The following SAMD5 variants were observed in gnomAD, a reference collection of about 807,000 sequenced individuals.
The protein encoded by SAMD5 is sterile alpha motif domain-containing protein 5.
Under a neutral mutation model 11.3 loss-of-function variants are expected in SAMD5, and 13 were observed. The observed-to-expected ratio is 1.15, with a 90% CI of 0.75 to 1.83. The LOEUF (loss-of-function observed/expected upper bound fraction) is 1.83, where lower values mean the gene tolerates loss of function less well. Among genes scored for constraint, SAMD5 ranks in the 40% most tolerant of loss-of-function variants. The pLI is 0.00. For synonymous variants in SAMD5, 129 were observed against 111.3 expected (o/e 1.16, Z -1.00); for missense variants, 255 against 239.1 (o/e 1.07, Z -0.44).
In SAMD5 at chr6:147,521,469, A is replaced by G. The variant is rs116236396; in HGVS notation, c.459+12082A>G. On this transcript the variant is annotated intron_variant, in intron 1 of 1. Coordinates refer to ENST00000367474, the MANE Select transcript of SAMD5 (RefSeq NM_001030060.3). ...AAATTCTTATATTTTCTGCCTTTTC[A>G]GTAATTTTTTAGCTATTTCTTTCAA... Among the ~76,000 whole-genome samples, 1,067 of 152,188 alleles carry G rather than the reference A, an allele frequency of 7.0e-3. 14 individuals carry two copies. The highest frequency in any genetic ancestry group is 0.025 in the African/African-American group (1,028 of 41,564).
intron 1 of SAMD5, chr6:147,676,217 A>G (rs966499336): frequency 1.3e-5 from 2 of 152,082 alleles, no homozygotes; most frequent in African/African-American, 4.8e-5. Context: ...GCTGGGGACC[A>G]TTTTGGAAAC....
intron 1 of SAMD5, among the ~76,000 whole-genome samples, chr6:147,519,777 G>A (rs1194513902): frequency 6.6e-6 from 1 of 152,188 alleles, no homozygotes; most frequent in Non-Finnish European, 1.5e-5. Context: ...GGACACGTAA[G>A]ATGCTAATTT....
chr6:147,656,560 G>A (rs10457814), intron 1 of SAMD5, among the ~76,000 whole-genome samples: 62,631 of 151,906 alleles, frequency 0.41, 14,897 homozygotes, highest in Middle Eastern at 0.54. Flanking sequence ...CTTTATGAAC[G>A]AATGAGCAAA....
At chr6:147,791,784 C>T in the SAMD5 span, among the ~76,000 whole-genome samples, 1 of 152,128 alleles carries the variant, frequency 6.6e-6, no homozygotes, top group East Asian at 1.9e-4. Context: ...TGTCTTTCCA[C>T]ATTATGATCG....
chr6:147,705,676 T>G (rs10081108), intron 1 of SAMD5, among the ~76,000 whole-genome samples: 12,238 of 152,220 alleles, frequency 0.08, 531 homozygotes, highest in Middle Eastern at 0.13. Context: ...AACAGCAAAA[T>G]TCACCATAAC....
chr6:147,623,337 C>G (rs766627350), intron 1 of SAMD5, among the ~76,000 whole-genome samples: 5 of 152,156 alleles, frequency 3.3e-5, no homozygotes, highest in South Asian at 2.1e-4. Context: ...AAATAAGTAG[C>G]CCCATATGAC....
intron 1 of SAMD5, among the ~76,000 whole-genome samples, chr6:147,624,816 C>G (rs1258667443): frequency 6.6e-6 from 1 of 151,928 alleles, no homozygotes; most frequent in East Asian, 1.9e-4. Context: ...CACAAATCAC[C>G]ACTAAACAAC....
chr6:147,778,956 G>A, the SAMD5 span, among the ~76,000 whole-genome samples: 1 of 150,072 alleles, frequency 6.7e-6, no homozygotes, highest in African/African-American at 2.5e-5. Flanking sequence ...CTAAAAACAG[G>A]AAGCCCGCTT....
intron 1 of SAMD5, among the ~76,000 whole-genome samples, chr6:147,541,424 G>GTAT (rs902287068): frequency 5.9e-5 from 9 of 152,276 alleles, no homozygotes; most frequent in Admixed American, 5.9e-4. Context: ...TCGGCACCAA[G>GTAT]TATTAACCTG....
At chr6:147,779,289 TGAGTAA>T in the SAMD5 span, among the ~76,000 whole-genome samples, 2 of 152,168 alleles carry the variant, frequency 1.3e-5, no homozygotes, top group Admixed American at 1.3e-4. Context: ...AATTTTGTCC[TGAGTAA>T]GAGAGGGTGA....
intron 1 of SAMD5, among the ~76,000 whole-genome samples, chr6:147,617,745 T>A (rs547127238): frequency 5.8e-4 from 89 of 152,296 alleles, no homozygotes; most frequent in Non-Finnish European, 1.0e-3. Flanking sequence ...GAAAGGGAAT[T>A]TGGCCATTGC....
chr6:147,570,503 T>C (rs764078699), downstream of SAMD5, among the ~76,000 whole-genome samples: 26 of 152,194 alleles, frequency 1.7e-4, no homozygotes, highest in Non-Finnish European at 3.2e-4. Flanking sequence ...GCCTTACTAC[T>C]TTCTGGCCTC....
chr6:147,925,682 C>CTT, the SAMD5 span, among the ~76,000 whole-genome samples: 1,641 of 115,202 alleles, frequency 0.014, 48 homozygotes, highest in African/African-American at 0.042. Flanking sequence ...ACTGAGAATT[C>CTT]TTTTTTTTTT....
chr6:147,904,242 C>A, the SAMD5 span, among the ~76,000 whole-genome samples: 1 of 152,158 alleles, frequency 6.6e-6, no homozygotes, highest in Non-Finnish European at 1.5e-5. Flanking sequence ...AGCCAGGGGA[C>A]TAGTTTTCCC....
At chr6:147,526,819 G>T (rs1788349442) in intron 1 of SAMD5, among the ~76,000 whole-genome samples, 1 of 152,212 alleles carries the variant, frequency 6.6e-6, no homozygotes, top group Non-Finnish European at 1.5e-5. Flanking sequence ...TGGGATGGGA[G>T]AAATGAAGCA....
the SAMD5 span, among the ~76,000 whole-genome samples, chr6:147,851,478 T>C: frequency 2.0e-5 from 3 of 152,172 alleles, no homozygotes; most frequent in Non-Finnish European, 4.4e-5. Context: ...TTTCACAGAA[T>C]CATCTTTGAA....
the SAMD5 span, among the ~76,000 whole-genome samples, chr6:147,905,228 G>C: frequency 1.3e-5 from 2 of 151,124 alleles, no homozygotes; most frequent in South Asian, 4.2e-4. Flanking sequence ...CTGTCACCCA[G>C]GCTGGAGTGC....
At chr6:147,672,880 C>T (rs1030623073) in intron 1 of SAMD5, among the ~76,000 whole-genome samples, 7 of 152,028 alleles carry the variant, frequency 4.6e-5, no homozygotes, top group African/African-American at 1.7e-4. Flanking sequence ...TTATTTTAAA[C>T]CAAAAGCCAC....
At chr6:147,701,089 C>T (rs889405904) in intron 1 of SAMD5, among the ~76,000 whole-genome samples, 7 of 152,092 alleles carry the variant, frequency 4.6e-5, no homozygotes, top group Admixed American at 3.3e-4. Flanking sequence ...AGGGCCTCTG[C>T]ATGGGAAGTT....
Sources: gnomAD v4.1 joint callset for allele counts (sites outside exome capture counted in the v4.1 genomes callset) on GRCh38, gnomAD v4.1.1 for gene constraint, MANE v1.5 for transcripts, NCBI Gene and HGNC (gene_info 2026-07-23, HGNC 2026-07-21) for gene names.